MYO1A: variants seen among roughly 807,000 people sequenced by gnomAD.
MYO1A encodes myosin IA, also known as unconventional myosin-Ia.
MYO1A carries 127 observed loss-of-function variants against 138.5 expected under a neutral mutation model. The observed-to-expected ratio is 0.92, with a 90% CI of 0.79 to 1.06. The LOEUF is 1.06. Among genes scored for constraint, MYO1A ranks in the 50% least tolerant of loss-of-function variants. The probability of loss-of-function intolerance (pLI) is 0.00; values close to 1 mark genes in which losing one functional copy is unlikely to be tolerated. For synonymous variants in MYO1A, 477 were observed against 497.5 expected (o/e 0.96, Z 0.55); for missense variants, 1,211 against 1,288.8 (o/e 0.94, Z 0.92).
chr12:57,046,205 T>C (rs1209724826), intron 8 of MYO1A, among the ~76,000 whole-genome samples: 1 of 151,952 alleles, frequency 6.6e-6, no homozygotes, highest in Non-Finnish European at 1.5e-5. Context: ...TCCCCTTAAG[T>C]TGAAGGTAGG....
chr12:57,046,049 A>G (rs750587488), intron 8 of MYO1A, among the ~76,000 whole-genome samples: 1 of 152,222 alleles, frequency 6.6e-6, no homozygotes, highest in Non-Finnish European at 1.5e-5. Flanking sequence ...GAATGAATAA[A>G]TGAATGAGTG....
intron 10 of MYO1A, 69 bp downstream of exon 10, chr12:57,043,787 T>C: frequency 6.2e-7 from 1 of 1,603,944 alleles, no homozygotes; most frequent in South Asian, 1.1e-5. Flanking sequence ...CTAGAGATGG[T>C]AGAAGGACAC....
intron 22 of MYO1A, among the ~76,000 whole-genome samples, chr12:57,033,787 A>C (rs972741960): frequency 2.0e-5 from 3 of 152,194 alleles, no homozygotes; most frequent in African/African-American, 7.2e-5. Flanking sequence ...AGTTTTACTA[A>C]GATATCAGGT....
At chr12:57,048,767 CCA>C (rs2031231608) in intron 1 of MYO1A, among the ~76,000 whole-genome samples, 1 of 152,134 alleles carries the variant, frequency 6.6e-6, no homozygotes, top group Non-Finnish European at 1.5e-5. Flanking sequence ...TGGCCAGGGT[CCA>C]GACTCCCCAT....
intron 16 of MYO1A, 70 bp downstream of exon 16, chr12:57,038,739 G>A (rs532195355): frequency 7.0e-5 from 112 of 1,608,862 alleles, no homozygotes; most frequent in Non-Finnish European, 8.0e-5. Context: ...CACCTTCCCC[G>A]GGTTCCTCCC....
At position 57,028,521 on chromosome 12, in the gene MYO1A, C is replaced by A. The variant is rs551554635; in HGVS notation, c.*234G>T. 1,156 of 528,308 alleles carry A rather than the reference C, an allele frequency of 2.2e-3. 4 individuals carry two copies. Among genetic ancestry groups the A allele is most frequent in the Non-Finnish European group, 3.4e-3 (1,012 of 301,040 alleles). The allele number at this position is 528,308 out of a possible 1,614,324, so 32.7% of individuals were successfully genotyped here. A position where few individuals can be genotyped will look rare whatever the true frequency, so the allele number is the denominator to read the frequency against. On this transcript the variant is annotated 3_prime_UTR_variant, in exon 28 of 28. Coordinates refer to ENST00000300119, the MANE Select transcript of MYO1A (RefSeq NM_005379.4). ...CAAGGACCCACCCACCCTGACTGAACCTTTCCAAGCCACATGTTTTATTAG... is the reference window on the plus strand; with the variant it reads ...CAAGGACCCACCCACCCTGACTGAAACTTTCCAAGCCACATGTTTTATTAG...
chr12:57,037,848 A>G, intron 18 of MYO1A, 21 bp downstream of exon 18: 1 of 1,612,990 alleles, frequency 6.2e-7, no homozygotes, highest in Non-Finnish European at 8.5e-7. Flanking sequence ...CCTGATGCCC[A>G]GTCTCCCCAT....
chr12:57,032,717 G>C (rs977862827), intron 22 of MYO1A, among the ~76,000 whole-genome samples: 1 of 152,148 alleles, frequency 6.6e-6, no homozygotes, highest in Non-Finnish European at 1.5e-5. Context: ...AGAATCACTT[G>C]AGCAGGAAGA....
rs902489029 is a variant in MYO1A, at chr12:57,050,060, C to T, written c.-194G>A. The T allele has an allele frequency of 1.3e-5, 2 of 152,554 alleles. No homozygotes were observed. Among genetic ancestry groups the T allele is most frequent in the Non-Finnish European group, 2.9e-5 (2 of 68,346 alleles). 9.5% of individuals were successfully genotyped at this position (152,554 alleles called of 1,614,324 possible). On this transcript the variant is annotated 5_prime_UTR_variant, in exon 1 of 28. Coordinates refer to ENST00000300119, the MANE Select transcript of MYO1A (RefSeq NM_005379.4). ...AAGGCTGCCCTCCTCTTGCCAGTGT[C>T]CACTCTTCTGATTTTCCCTTTTGCT...
At chr12:57,039,978 C>T (rs2030784065) in intron 14 of MYO1A, among the ~76,000 whole-genome samples, 1 of 152,158 alleles carries the variant, frequency 6.6e-6, no homozygotes, top group African/African-American at 2.4e-5. Flanking sequence ...GCAGAAGACC[C>T]AAAGATAATC....
At chr12:57,044,077 C>T in intron 9 of MYO1A, 29 bp downstream of exon 9, 1 of 1,614,152 alleles carries the variant, frequency 6.2e-7, no homozygotes. Flanking sequence ...GACCTAAGGG[C>T]CCAAGCCTGC....
intron 18 of MYO1A, 21 bp from the exon 19 acceptor site, chr12:57,037,662 A>G: frequency 6.2e-7 from 1 of 1,610,086 alleles, no homozygotes; most frequent in Non-Finnish European, 8.5e-7. Context: ...AAATGACAGA[A>G]AGCTGCAGAG....
chr12:57,040,223 A>T (rs973304804), intron 14 of MYO1A, among the ~76,000 whole-genome samples: 2 of 152,266 alleles, frequency 1.3e-5, no homozygotes, highest in Admixed American at 6.5e-5. Context: ...TGATATTCTT[A>T]AAATACTGTG....
rs2030106888 is a variant in MYO1A, at chr12:57,028,817, C to T, written c.3070G>A (p.Asp1024Asn). 18 of 1,614,068 alleles carry T rather than the reference C, an allele frequency of 1.1e-5. No individual in the cohort carries two copies. The highest frequency in any genetic ancestry group is 1.5e-5 in the Non-Finnish European group (18 of 1,180,008). The change falls in exon 28 of 28, where the codon GAC (aspartate) becomes AAC (asparagine). Residue 1024 changes from aspartate to asparagine, a missense_variant. Asp to Asn is a conservative substitution (Grantham distance 23). Coordinates refer to ENST00000300119, the MANE Select transcript of MYO1A (RefSeq NM_005379.4). ...TTTTTGTAGCGTAGCTTGCTGTTGT[C>T]ACCACCTGCAGGGCCCTGGACGACC... ...VKVVQGPAGG[D>N]NSKLRYKKKG...
intron 22 of MYO1A, 24 bp from the exon 23 acceptor site, chr12:57,031,198 G>A (rs1307715030): frequency 1.2e-6 from 2 of 1,614,040 alleles, no homozygotes; most frequent in South Asian, 2.2e-5. Context: ...AGGGGGATTG[G>A]GAGTGGAGTG....
At chr12:57,044,055 C>A (rs750067495) in intron 9 of MYO1A, 51 bp downstream of exon 9, 13 of 1,614,138 alleles carry the variant, frequency 8.1e-6, no homozygotes, top group South Asian at 5.5e-5. Flanking sequence ...CAGTCCAATG[C>A]GAATAGAGGA....
At chr12:57,034,731 G>A (rs2030448848) in intron 22 of MYO1A, among the ~76,000 whole-genome samples, 1 of 152,212 alleles carries the variant, frequency 6.6e-6, no homozygotes, top group South Asian at 2.1e-4. Flanking sequence ...CACTTTGGGA[G>A]GCCGAGATGG....
intron 22 of MYO1A, among the ~76,000 whole-genome samples, chr12:57,031,967 C>T (rs946978148): frequency 3.9e-5 from 6 of 152,192 alleles, no homozygotes; most frequent in African/African-American, 1.4e-4. Flanking sequence ...AGCCTCATGT[C>T]GCAGGACCCC....
rs2030637666 is a variant in MYO1A at position 57,037,850 on chromosome 12, T to C, written c.1961+19A>G. ...TGCACTGCCCTTTCCTGATGCCCAG[T>C]CTCCCCATGGGGTCTTACCGGTCTC... On this transcript the variant is annotated intron_variant, in intron 18 of 27. Coordinates refer to ENST00000300119, the MANE Select transcript of MYO1A (RefSeq NM_005379.4). 3 of 1,613,206 alleles carry C rather than the reference T, an allele frequency of 1.9e-6. No individual in the cohort carries two copies. In the South Asian group the frequency reaches 3.3e-5, roughly 18 times the overall value.
Sources: allele counts gnomAD v4.1 joint callset (sites outside exome capture counted in the v4.1 genomes callset), GRCh38; gene constraint gnomAD v4.1.1; transcripts MANE v1.5; gene names NCBI Gene and HGNC (gene_info 2026-07-23, HGNC 2026-07-21).